Variants in PRKN observed in about 807,000 individuals in gnomAD.
PRKN encodes E3 ubiquitin-protein ligase parkin.
A neutral mutation model predicts 59.5 loss-of-function variants in PRKN; 56 were observed. That is an observed-to-expected ratio of 0.94 (90% CI 0.76 to 1.18). The LOEUF (loss-of-function observed/expected upper bound fraction) is 1.18. Ranked by LOEUF, PRKN falls within the 50% of genes most tolerant of loss-of-function variation. The pLI is 0.00. For synonymous variants in PRKN, 250 were observed against 222.1 expected, an observed-to-expected ratio of 1.13 and a Z score of -1.12; for missense variants, 657 against 596.4, an observed-to-expected ratio of 1.10 and a Z score of -1.06.
At chr6:162,085,191 A>G in intron 4 of PRKN, among the ~76,000 whole-genome samples, 1 of 150,678 alleles carries the variant, frequency 6.6e-6, no homozygotes, top group Non-Finnish European at 1.5e-5. Context: ...GCCTGCACAA[A>G]GAAATGGATG....
chr6:161,401,719 A>T lies in PRKN; in HGVS notation c.1084-14842T>A, dbSNP rs1032812094. ...TGAAATAAATCCCCCAAATGTCTTGAACACTTTCTAGGCTTGTGTCTCTCC... is the reference window on the plus strand; with the variant it reads ...TGAAATAAATCCCCCAAATGTCTTGTACACTTTCTAGGCTTGTGTCTCTCC... On this transcript the variant is annotated intron_variant, in intron 9 of 11. Coordinates refer to ENST00000366898, the MANE Select transcript of PRKN (RefSeq NM_004562.3). This position sits in a 1 kb window ranked among gnomAD's most constrained non-coding sequence, Gnocchi z 4.4. Among the ~76,000 whole-genome samples, 1 of 152,116 alleles carries T rather than the reference A, an allele frequency of 6.6e-6. No homozygotes were observed. Among genetic ancestry groups the T allele is most frequent in the Non-Finnish European group, 1.5e-5 (1 of 68,026 alleles).
At chr6:161,577,733 A>C (rs1446362416) in intron 7 of PRKN, among the ~76,000 whole-genome samples, 4 of 152,134 alleles carry the variant, frequency 2.6e-5, no homozygotes, top group African/African-American at 4.8e-5. Flanking sequence ...TTTATATTAA[A>C]ATTGATGCAG....
At chr6:161,589,928 C>T (rs1002646554) in intron 7 of PRKN, among the ~76,000 whole-genome samples, 5 of 151,118 alleles carry the variant, frequency 3.3e-5, no homozygotes, top group East Asian at 3.9e-4. Context: ...TACAGGTGCC[C>T]GACATCATGC....
intron 4 of PRKN, among the ~76,000 whole-genome samples, chr6:162,100,682 T>A (rs577422748): frequency 6.6e-6 from 1 of 152,254 alleles, no homozygotes; most frequent in Non-Finnish European, 1.5e-5. Context: ...CCTCAGATGA[T>A]CTGTCCCCTT....
At chr6:161,553,159 T>C (rs1305337288) in intron 8 of PRKN, among the ~76,000 whole-genome samples, 1 of 151,090 alleles carries the variant, frequency 6.6e-6, no homozygotes, top group Non-Finnish European at 1.5e-5. Flanking sequence ...CACCCTCCAT[T>C]GTCTTTTTTT....
intron 1 of PRKN, among the ~76,000 whole-genome samples, chr6:162,512,870 A>C (rs1204180145): frequency 6.6e-6 from 1 of 152,218 alleles, no homozygotes; most frequent in Admixed American, 6.5e-5. Context: ...GCAATTATTC[A>C]ATTATAGTGA....
At chr6:161,433,311 C>T (rs1390888323) in intron 9 of PRKN, among the ~76,000 whole-genome samples, 1 of 152,128 alleles carries the variant, frequency 6.6e-6, no homozygotes, top group Non-Finnish European at 1.5e-5. Context: ...TGGATGTTCC[C>T]ATTACCATTT....
intron 6 of PRKN, among the ~76,000 whole-genome samples, chr6:161,972,758 G>GGC (rs1200778293): frequency 1.3e-5 from 2 of 152,144 alleles, no homozygotes; most frequent in East Asian, 3.9e-4. Flanking sequence ...CTGGCCGGGT[G>GGC]CAGTGGCTCA....
Position 162,316,111 on chromosome 6 carries a change from T to C in PRKN, c.172-53346A>G, listed in dbSNP as rs1191590139. On this transcript the variant is annotated intron_variant, in intron 2 of 11. Coordinates refer to ENST00000366898, the MANE Select transcript of PRKN (RefSeq NM_004562.3). Reference sequence around the variant, plus strand: ...GAAGTATTCCAAGGCTGGACAGTTCTGCAAAAGGGATAGGAGCTGGGGAAA... The same window carrying C: ...GAAGTATTCCAAGGCTGGACAGTTCCGCAAAAGGGATAGGAGCTGGGGAAA... Among the ~76,000 whole-genome samples, 3 of 151,940 alleles carry C rather than the reference T, an allele frequency of 2.0e-5. No individual in the cohort carries two copies. The East Asian group carries it at 5.8e-4, about 29-fold the overall frequency.
chr6:162,512,640 A>C (rs925731135), intron 1 of PRKN, among the ~76,000 whole-genome samples: 5 of 152,210 alleles, frequency 3.3e-5, no homozygotes, highest in Admixed American at 2.6e-4. Flanking sequence ...AATCAAAATT[A>C]TGAGCATGCA....
intron 7 of PRKN, among the ~76,000 whole-genome samples, chr6:161,737,849 A>G (rs577703971): frequency 6.6e-6 from 1 of 152,334 alleles, no homozygotes; most frequent in South Asian, 2.1e-4. Context: ...GCTGATCAAG[A>G]AGAAGTGGGC....
chr6:162,145,013 T>C (rs1015755689), intron 4 of PRKN, among the ~76,000 whole-genome samples: 11 of 152,294 alleles, frequency 7.2e-5, no homozygotes, highest in Non-Finnish European at 1.6e-4. Context: ...TCATTTCTTT[T>C]TAATCACTAA....
chr6:162,038,692 T>A (rs1193016122), intron 5 of PRKN, among the ~76,000 whole-genome samples: 1 of 152,220 alleles, frequency 6.6e-6, no homozygotes, highest in South Asian at 2.1e-4. Flanking sequence ...TTTGTAAATA[T>A]GTCACTGATG....
chr6:161,620,748 A>G (rs1028893237), intron 7 of PRKN, among the ~76,000 whole-genome samples: 1 of 152,244 alleles, frequency 6.6e-6, no homozygotes, highest in Non-Finnish European at 1.5e-5. Context: ...ACCTACAGTC[A>G]TGGAAGGAAA....
intron 5 of PRKN, among the ~76,000 whole-genome samples, chr6:161,998,453 A>T (rs866446611): frequency 3.9e-5 from 6 of 152,138 alleles, no homozygotes; most frequent in Non-Finnish European, 7.4e-5. Context: ...ATTTGCATGT[A>T]AATAAATATT....
intron 3 of PRKN, among the ~76,000 whole-genome samples, chr6:162,239,992 T>G (rs771380571): frequency 6.6e-6 from 1 of 152,200 alleles, no homozygotes; most frequent in Non-Finnish European, 1.5e-5. Context: ...ACTGTTCTCA[T>G]GAGATCTATG....
chr6:162,190,943 T>C (rs1304705764), intron 4 of PRKN, among the ~76,000 whole-genome samples: 1 of 152,166 alleles, frequency 6.6e-6, no homozygotes, highest in Non-Finnish European at 1.5e-5. Context: ...ACGGATAATA[T>C]GTCAGTTTCA....
At chr6:162,028,342 AAAT>A (rs1459430878) in intron 5 of PRKN, among the ~76,000 whole-genome samples, 1 of 152,190 alleles carries the variant, frequency 6.6e-6, no homozygotes, top group Non-Finnish European at 1.5e-5. Context: ...TGAACCATCT[AAAT>A]GGACATTTTA....
chr6:162,695,814 T>A lies in PRKN; in HGVS notation c.7+31848A>T, dbSNP rs1777945475. Among the ~76,000 whole-genome samples the A allele has an allele frequency of 2.6e-5, 4 of 152,210 alleles. No individual in the cohort carries two copies. The South Asian group carries it at 8.3e-4, about 31-fold the overall frequency. ...TAACTTAAAGAATATTGAAATCATA[T>A]TTGGGAAAATAAAAAGTATCAATAG... is the stretch of plus-strand genomic sequence containing the variant. On this transcript the variant is annotated intron_variant, in intron 1 of 11. Transcript: ENST00000366898.
Sources: gnomAD v4.1 joint callset for allele counts (sites outside exome capture counted in the v4.1 genomes callset) on GRCh38, gnomAD v4.1.1 for gene constraint, Gnocchi (gnomAD v3.1) non-coding constraint, MANE v1.5 for transcripts, NCBI Gene and HGNC (gene_info 2026-07-23, HGNC 2026-07-21) for gene names.